Variants in ACBD6 observed in about 807,000 individuals in gnomAD.
ACBD6 encodes acyl-CoA binding domain containing 6.
A neutral mutation model predicts 37.2 loss-of-function variants in ACBD6; 28 were observed. That is an observed-to-expected ratio of 0.75 (90% CI 0.56 to 1.03). ACBD6 has a LOEUF of 1.03. ACBD6 is among the 50% of genes least tolerant of loss of function. The pLI is 0.00. For missense variants in ACBD6, 340 were observed against 337.4 expected, an observed-to-expected ratio of 1.01 and a Z score of -0.06; for synonymous variants, 113 against 126.8, an observed-to-expected ratio of 0.89 and a Z score of 0.73.
At chr1:180,448,561 T>C (rs78676246) in intron 3 of ACBD6, among the ~76,000 whole-genome samples, 5,445 of 152,240 alleles carry the variant, frequency 0.036, 109 homozygotes, top group South Asian at 0.06. Context: ...TCCTAGTAGA[T>C]TGCTCTTAGT....
intron 6 of ACBD6, among the ~76,000 whole-genome samples, chr1:180,342,879 A>G (rs948623024): frequency 1.3e-5 from 2 of 152,060 alleles, no homozygotes; most frequent in African/African-American, 2.4e-5. Context: ...TTTACAACTT[A>G]TATCAGCTAA....
chr1:180,495,271 A>AGAACATGCCAACATGCTAACATGCTAGCT (rs1651687413), intron 2 of ACBD6, among the ~76,000 whole-genome samples, 190 bp downstream of exon 2: 3 of 152,242 alleles, frequency 2.0e-5, no homozygotes, highest in Non-Finnish European at 2.9e-5. Flanking sequence ...ATGCTAGCAT[A>AGAACATGCCAACATGCTAACATGCTAGCT]AGAATCCTTC....
intron 6 of ACBD6, among the ~76,000 whole-genome samples, chr1:180,323,439 A>AAGTCT (rs1558249606): frequency 6.6e-6 from 1 of 152,042 alleles, no homozygotes; most frequent in Non-Finnish European, 1.5e-5. Context: ...AGTATAGACT[A>AAGTCT]AGTCTGATGT....
intron 6 of ACBD6, among the ~76,000 whole-genome samples, chr1:180,384,556 T>C (rs1302332624): frequency 6.6e-6 from 1 of 152,170 alleles, no homozygotes; most frequent in African/African-American, 2.4e-5. Flanking sequence ...AGTGAGAATG[T>C]AAATTAGTAC....
chr1:180,279,258 T>C (rs746644259), intron 9 of ACBD6, among the ~76,000 whole-genome samples: 15 of 152,248 alleles, frequency 9.9e-5, no homozygotes, highest in Non-Finnish European at 2.1e-4. Flanking sequence ...AGTAGAAATG[T>C]TGACCATATA....
At chr1:180,490,325 GA>G (rs1339132444) in intron 3 of ACBD6, among the ~76,000 whole-genome samples, 3 of 152,112 alleles carry the variant, frequency 2.0e-5, no homozygotes, top group Non-Finnish European at 4.4e-5. Flanking sequence ...TAATAAAATA[GA>G]AAATTTCTGA....
intron 3 of ACBD6, among the ~76,000 whole-genome samples, chr1:180,432,177 A>G (rs1648839115): frequency 6.6e-6 from 1 of 151,128 alleles, no homozygotes; most frequent in African/African-American, 2.4e-5. Context: ...ACTGCACTCC[A>G]GCCTGGCAAT....
chr1:180,494,116 C>T (rs914285547), intron 2 of ACBD6, among the ~76,000 whole-genome samples: 16 of 152,234 alleles, frequency 1.1e-4, no homozygotes, highest in African/African-American at 3.1e-4. Context: ...CTGTAACCCA[C>T]GGTTTTGCTC....
chr1:180,426,480 G>T (rs985247565), intron 4 of ACBD6, among the ~76,000 whole-genome samples: 2 of 151,998 alleles, frequency 1.3e-5, no homozygotes, highest in Admixed American at 1.3e-4. Context: ...GCCCATCTGC[G>T]GTATAAATGA....
At chr1:180,343,021 T>C (rs1652037227) in intron 6 of ACBD6, among the ~76,000 whole-genome samples, 1 of 152,082 alleles carries the variant, frequency 6.6e-6, no homozygotes, top group African/African-American at 2.4e-5. Flanking sequence ...TCAAATTTAA[T>C]CAATATGAAG....
intron 3 of ACBD6, among the ~76,000 whole-genome samples, chr1:180,445,838 T>C (rs770427108): frequency 2.6e-5 from 4 of 152,180 alleles, no homozygotes; most frequent in Non-Finnish European, 4.4e-5. Flanking sequence ...AGAGGTGAAG[T>C]ATCCAATGCC....
At chr1:180,340,497 G>T (rs1651937850) in intron 6 of ACBD6, among the ~76,000 whole-genome samples, 1 of 151,978 alleles carries the variant, frequency 6.6e-6, no homozygotes. Context: ...AGAGTATAAA[G>T]AACTCTTTCA....
intron 6 of ACBD6, among the ~76,000 whole-genome samples, 166 bp from the exon 7 acceptor site, chr1:180,314,888 C>T (rs996181556): frequency 6.6e-6 from 1 of 152,188 alleles, no homozygotes; most frequent in Non-Finnish European, 1.5e-5. Context: ...TGACCAAGCT[C>T]ACCATCCTGA....
intron 7 of ACBD6, among the ~76,000 whole-genome samples, chr1:180,314,357 G>C (rs1428144176): frequency 6.6e-6 from 1 of 152,116 alleles, no homozygotes; most frequent in African/African-American, 2.4e-5. Context: ...CGATTCTCCT[G>C]TCTCAGCCTC....
At chr1:180,474,260 T>A (rs1360818943) in intron 3 of ACBD6, among the ~76,000 whole-genome samples, 1 of 152,132 alleles carries the variant, frequency 6.6e-6, no homozygotes, top group Non-Finnish European at 1.5e-5. Context: ...CTGAAACACA[T>A]CTGGAGTATA....
At chr1:180,496,365 TAA>T (rs1164546810) in intron 1 of ACBD6, among the ~76,000 whole-genome samples, 2 of 152,190 alleles carry the variant, frequency 1.3e-5, no homozygotes, top group African/African-American at 4.8e-5. Flanking sequence ...AAGTTTTGTG[TAA>T]AGTCTCATCT....
chr1:180,482,457 A>G (rs1362504088), intron 3 of ACBD6, among the ~76,000 whole-genome samples: 1 of 152,132 alleles, frequency 6.6e-6, no homozygotes, highest in East Asian at 1.9e-4. Flanking sequence ...AGAGAAATGA[A>G]GTTAATAATA....
At chr1:180,283,296 A>G (rs1407213190), downstream of ACBD6, among the ~76,000 whole-genome samples, 1 of 151,996 alleles carries the variant, frequency 6.6e-6, no homozygotes, top group African/African-American at 2.4e-5. Context: ...ATTGGAAGTC[A>G]CCTGTTGACT....
chr1:180,433,969 G>T (rs1648916424), intron 3 of ACBD6, among the ~76,000 whole-genome samples: 1 of 152,076 alleles, frequency 6.6e-6, no homozygotes, highest in African/African-American at 2.4e-5. Context: ...TGCCCAGAGA[G>T]ATCATGAAAG....
Sources: allele counts gnomAD v4.1 joint callset (sites outside exome capture counted in the v4.1 genomes callset), GRCh38; gene constraint gnomAD v4.1.1; transcripts MANE v1.5; gene names NCBI Gene and HGNC (gene_info 2026-07-23, HGNC 2026-07-21).